SCRG1: variants seen among roughly 807,000 people sequenced by gnomAD.
SCRG1 encodes the protein stimulator of chondrogenesis 1.
Under a neutral mutation model 7.7 loss-of-function variants are expected in SCRG1, and 3 were observed. That is an observed-to-expected ratio of 0.39 (90% CI 0.18 to 1.01). SCRG1 has a LOEUF of 1.01. Among genes scored for constraint, SCRG1 ranks in the 50% least tolerant of loss-of-function variants. The pLI is 0.36. For missense variants in SCRG1, 110 were observed against 117.2 expected, an observed-to-expected ratio of 0.94 and a Z score of 0.28; for synonymous variants, 46 against 41.2, an observed-to-expected ratio of 1.12 and a Z score of -0.44.
At chr4:173,444,559 CT>C in the SCRG1 span, among the ~76,000 whole-genome samples, 1 of 152,164 alleles carries the variant, frequency 6.6e-6, no homozygotes, top group African/African-American at 2.4e-5. Flanking sequence ...CGGCTTTGGC[CT>C]TTGGTTGTAG....
the SCRG1 span, among the ~76,000 whole-genome samples, chr4:173,514,728 A>G: frequency 1.3e-5 from 2 of 152,234 alleles, no homozygotes; most frequent in East Asian, 1.9e-4. Flanking sequence ...AAATAAACAA[A>G]CAAACTCTAC....
At position 173,388,088 on chromosome 4, in the gene SCRG1, A is replaced by G. The variant is rs529249539; in HGVS notation, c.*253T>C. On this transcript the variant is annotated 3_prime_UTR_variant, in exon 3 of 3. Transcript: ENST00000296506. ...GGGGGACAGAACTCTTTAACTGAGT[A>G]TAATGAACACCTCATAGATTACATT... is the stretch of plus-strand genomic sequence containing the variant. The G allele has an allele frequency of 1.9e-4, 75 of 394,062 alleles. 1 individual carries two copies. Among genetic ancestry groups the G allele is most frequent in the African/African-American group, 1.0e-3 (49 of 48,230 alleles). 24.4% of individuals were successfully genotyped at this position (394,062 alleles called of 1,614,324 possible). A position where few individuals can be genotyped will look rare whatever the true frequency, so the allele number is the denominator to read the frequency against.
the SCRG1 span, among the ~76,000 whole-genome samples, chr4:173,496,760 A>C: frequency 5.9e-5 from 9 of 152,198 alleles, no homozygotes; most frequent in Non-Finnish European, 1.0e-4. Context: ...AGTATTGCCC[A>C]GGGAGAAGGT....
chr4:173,430,988 T>C, the SCRG1 span, among the ~76,000 whole-genome samples: 1 of 152,014 alleles, frequency 6.6e-6, no homozygotes, highest in Non-Finnish European at 1.5e-5. Context: ...AGGGCAAGAT[T>C]TGAAAAACTT....
chr4:173,484,806 A>G, the SCRG1 span, among the ~76,000 whole-genome samples: 11 of 90,528 alleles, frequency 1.2e-4, no homozygotes, highest in Non-Finnish European at 1.9e-4. Flanking sequence ...TATATATTAT[A>G]TATTATACAT....
chr4:173,480,944 A>G, the SCRG1 span, among the ~76,000 whole-genome samples: 4 of 152,146 alleles, frequency 2.6e-5, no homozygotes, highest in Non-Finnish European at 4.4e-5. Flanking sequence ...GAACATTTTT[A>G]TGATAAAAAG....
At chr4:173,519,036 C>T in the SCRG1 span, among the ~76,000 whole-genome samples, 1 of 151,482 alleles carries the variant, frequency 6.6e-6, no homozygotes, top group African/African-American at 2.4e-5. Flanking sequence ...GTGAGCTAGG[C>T]GAACAGGAAC....
At chr4:173,388,539 G>A (rs1739317210) in intron 2 of SCRG1, 144 bp from the exon 3 acceptor site, 1 of 546,600 alleles carries the variant, frequency 1.8e-6, no homozygotes, top group East Asian at 3.1e-5. Context: ...GAGATGAGTG[G>A]GAGGACTTGC....
At chr4:173,471,253 G>A in the SCRG1 span, among the ~76,000 whole-genome samples, 25 of 152,126 alleles carry the variant, frequency 1.6e-4, no homozygotes, top group Admixed American at 5.9e-4. Flanking sequence ...AATAAATACT[G>A]GGTACAGTTG....
chr4:173,405,771 TG>T (rs1560836137), intron 1 of SCRG1, among the ~76,000 whole-genome samples: 2 of 152,230 alleles, frequency 1.3e-5, no homozygotes, highest in African/African-American at 4.8e-5. Flanking sequence ...TTTTTGGTTT[TG>T]TTTTGTTTTT....
chr4:173,496,440 G>A, the SCRG1 span, among the ~76,000 whole-genome samples: 1 of 152,174 alleles, frequency 6.6e-6, no homozygotes, highest in Non-Finnish European at 1.5e-5. Context: ...ACTAAGAGAA[G>A]AGACTATTGG....
chr4:173,474,532 A>G, the SCRG1 span, among the ~76,000 whole-genome samples: 1 of 152,218 alleles, frequency 6.6e-6, no homozygotes, highest in Non-Finnish European at 1.5e-5. Flanking sequence ...CCTTCAAATT[A>G]TATGTGAGTT....
chr4:173,410,370 T>G (rs1056997820), upstream of SCRG1, among the ~76,000 whole-genome samples: 3 of 152,216 alleles, frequency 2.0e-5, no homozygotes, highest in African/African-American at 7.2e-5. Context: ...GCCTGTGCAG[T>G]GTTCCATAGC....
the SCRG1 span, among the ~76,000 whole-genome samples, chr4:173,485,113 A>G: frequency 5.7e-5 from 1 of 17,646 alleles, no homozygotes; most frequent in Non-Finnish European, 1.5e-4. Flanking sequence ...TATATATTAT[A>G]TAATATATAA....
At chr4:173,499,086 C>T in the SCRG1 span, among the ~76,000 whole-genome samples, 59 of 152,148 alleles carry the variant, frequency 3.9e-4, no homozygotes, top group Non-Finnish European at 7.3e-4. The surrounding 1 kb of genome is among the most constrained non-coding windows in gnomAD (Gnocchi z 4.1). Flanking sequence ...AAGAATTCAC[C>T]CCTGCCTTTA....
the SCRG1 span, among the ~76,000 whole-genome samples, chr4:173,514,484 C>A: frequency 6.6e-6 from 1 of 152,294 alleles, no homozygotes; most frequent in Middle Eastern, 3.4e-3. Flanking sequence ...CAATTTTCTC[C>A]CTTCCCAAGG....
chr4:173,485,130 A>C, the SCRG1 span, among the ~76,000 whole-genome samples: 1 of 44,286 alleles, frequency 2.3e-5, no homozygotes, highest in South Asian at 7.0e-4. Flanking sequence ...ATAATATATC[A>C]TATATATTAC....
chr4:173,476,363 A>AAAAAAAAATATATATATATATATATATAT, the SCRG1 span, among the ~76,000 whole-genome samples: 46 of 98,478 alleles, frequency 4.7e-4, no homozygotes, highest in East Asian at 4.7e-3. Flanking sequence ...GGAAAAAAAA[A>AAAAAAAAATATATATATATATATATATAT]ATATATATAT....
At chr4:173,516,852 G>A in the SCRG1 span, among the ~76,000 whole-genome samples, 1 of 152,172 alleles carries the variant, frequency 6.6e-6, no homozygotes, top group Non-Finnish European at 1.5e-5. Flanking sequence ...TCCCCGCATA[G>A]TTCGACAAAG....
Sources: allele counts gnomAD v4.1 joint callset (sites outside exome capture counted in the v4.1 genomes callset), GRCh38; gene constraint gnomAD v4.1.1; non-coding constraint Gnocchi (gnomAD v3.1); transcripts MANE v1.5; gene names NCBI Gene and HGNC (gene_info 2026-07-23, HGNC 2026-07-21).